AFF2: variants seen among roughly 807,000 people sequenced by gnomAD.
AFF2 encodes the protein ALF transcription elongation factor 2, also known as AF4/FMR2 family member 2.
AFF2 carries 14 observed loss-of-function variants against 76.9 expected under a neutral mutation model. The ratio of observed to expected loss-of-function variants is 0.18; its 90% CI spans 0.12 to 0.28. The LOEUF (loss-of-function observed/expected upper bound fraction) is 0.28. Ranked by LOEUF, AFF2 falls within the 10% of genes least tolerant of loss-of-function variation. AFF2 has a pLI of 1.00. For synonymous variants in AFF2, 398 were observed against 366.7 expected, an observed-to-expected ratio of 1.09 and a Z score of -0.98; for missense variants, 868 against 1,001.1, an observed-to-expected ratio of 0.87 and a Z score of 1.79.
Position 148,992,480 on chromosome X carries a change from C to A in AFF2, c.*1148C>A, listed in dbSNP as rs1557292445. ...TTTCTTTTTTCTCTTATCTGTGTTT[C>A]CCTTTCCTTTGTTTGGCTCATTAAC... is the stretch of plus-strand genomic sequence containing the variant. On this transcript the variant is annotated 3_prime_UTR_variant, in exon 21 of 21. Transcript: ENST00000370460. 1 of 112,009 alleles carries A rather than the reference C, an allele frequency of 8.9e-6. No homozygotes were observed. Among genetic ancestry groups the A allele is most frequent in the African/African-American group, 3.2e-5 (1 of 30,869 alleles). The allele number at this position is 112,009 out of a possible 1,213,427, so 9.2% of individuals were successfully genotyped here. A position where few individuals can be genotyped will look rare whatever the true frequency, so the allele number is the denominator to read the frequency against.
At chrX:148,581,628 G>GTATACA (rs2053411475) in intron 1 of AFF2, among the ~76,000 whole-genome samples, 1 of 94,929 alleles carries the variant, frequency 1.1e-5, no homozygotes, top group Non-Finnish European at 2.0e-5. Flanking sequence ...ATACGTATAC[G>GTATACA]TATACGTGTA....
intron 1 of AFF2, among the ~76,000 whole-genome samples, chrX:148,583,995 C>T (rs1557245483): frequency 8.9e-6 from 1 of 112,010 alleles, no homozygotes; most frequent in Non-Finnish European, 1.9e-5. Context: ...AGTCGCCTTA[C>T]GCCTCCACCC....
At chrX:148,987,008 T>C (rs1222993665) in intron 19 of AFF2, among the ~76,000 whole-genome samples, 1 of 111,065 alleles carries the variant, frequency 9.0e-6, no homozygotes, top group Admixed American at 9.5e-5. Context: ...GTGTTTAATG[T>C]TAGAAAAGAA....
chrX:148,896,679 T>C, intron 8 of AFF2, among the ~76,000 whole-genome samples: 1 of 111,193 alleles, frequency 9.0e-6, no homozygotes, highest in Middle Eastern at 4.6e-3. Flanking sequence ...AGAGCAGAAG[T>C]AGTGTTTCCT....
At chrX:148,794,244 T>A (rs2069938022) in intron 3 of AFF2, among the ~76,000 whole-genome samples, 1 of 112,326 alleles carries the variant, frequency 8.9e-6, no homozygotes, top group Non-Finnish European at 1.9e-5. Flanking sequence ...CCATGTTGAA[T>A]AAGCAAGTGT....
chrX:148,621,143 C>A (rs2053864090), intron 1 of AFF2, among the ~76,000 whole-genome samples: 1 of 111,651 alleles, frequency 9.0e-6, no homozygotes, highest in African/African-American at 3.3e-5. Flanking sequence ...TTATGCTTTC[C>A]TGAATCATGG....
intron 3 of AFF2, among the ~76,000 whole-genome samples, chrX:148,733,531 C>T (rs905416200): frequency 9.0e-6 from 1 of 110,997 alleles, no homozygotes; most frequent in Admixed American, 9.6e-5. Context: ...TGATAAGACA[C>T]CTGACACAAA....
At chrX:148,782,190 A>G (rs1479735820) in intron 3 of AFF2, among the ~76,000 whole-genome samples, 1 of 112,002 alleles carries the variant, frequency 8.9e-6, no homozygotes, top group East Asian at 2.8e-4. Context: ...ATAAAGTAAT[A>G]TAAGTTAATG....
chrX:148,640,823 G>T (rs1278665350), intron 1 of AFF2, among the ~76,000 whole-genome samples: 3 of 112,113 alleles, frequency 2.7e-5, no homozygotes, highest in Non-Finnish European at 3.8e-5. Context: ...CCAAGGCGTA[G>T]AAATTCTTAT....
intron 7 of AFF2, among the ~76,000 whole-genome samples, chrX:148,845,367 T>C (rs1748051898): frequency 8.9e-6 from 1 of 112,059 alleles, no homozygotes; most frequent in Admixed American, 9.5e-5. Flanking sequence ...AGAGGCTGCA[T>C]TTCCAGAGAA....
At chrX:148,845,392 A>T (rs1300919961) in intron 7 of AFF2, among the ~76,000 whole-genome samples, 2 of 111,835 alleles carry the variant, frequency 1.8e-5, no homozygotes, top group African/African-American at 6.5e-5. Context: ...ACTTCGTAGC[A>T]CAGTAATATA....
chrX:148,817,468 A>C (rs2070279766), intron 4 of AFF2, among the ~76,000 whole-genome samples: 1 of 111,502 alleles, frequency 9.0e-6, no homozygotes, highest in Non-Finnish European at 1.9e-5. Context: ...GCCATCAATG[A>C]AATGAAGACT....
intron 19 of AFF2, among the ~76,000 whole-genome samples, chrX:148,986,100 G>C (rs1291326862): frequency 1.3e-5 from 1 of 76,413 alleles, no homozygotes; most frequent in Non-Finnish European, 2.3e-5. Context: ...ATAGCAACTG[G>C]TAAGGGGGTG....
chrX:148,943,378 A>G (rs1427665565), intron 9 of AFF2, among the ~76,000 whole-genome samples: 2 of 112,103 alleles, frequency 1.8e-5, no homozygotes, highest in African/African-American at 6.5e-5. Context: ...TTACAACCAG[A>G]TTCATTAGGT....
chrX:148,730,323 T>A (rs782076739), intron 3 of AFF2, among the ~76,000 whole-genome samples: 9 of 112,438 alleles, frequency 8.0e-5, no homozygotes, highest in Admixed American at 1.9e-4. Context: ...TCCTAGATGA[T>A]GAGTTTGCCT....
chrX:148,910,196 T>C (rs1249479687), intron 9 of AFF2, among the ~76,000 whole-genome samples: 3 of 112,731 alleles, frequency 2.7e-5, no homozygotes, highest in African/African-American at 9.7e-5. Flanking sequence ...CCACTCTGCG[T>C]AGGAAATTAC....
intron 5 of AFF2, among the ~76,000 whole-genome samples, chrX:148,842,666 A>G (rs150658288): frequency 0.026 from 2,934 of 112,193 alleles, 39 homozygotes; most frequent in Middle Eastern, 0.06. Flanking sequence ...ATTTGTTCCC[A>G]TGTTACACAC....
intron 3 of AFF2, among the ~76,000 whole-genome samples, chrX:148,669,369 G>T (rs941120639): frequency 2.7e-5 from 3 of 111,623 alleles, no homozygotes; most frequent in Admixed American, 9.5e-5. Context: ...TATCTTTTCA[G>T]CAGCACCCCA....
At chrX:148,859,070 C>T (rs1223537623) in intron 7 of AFF2, among the ~76,000 whole-genome samples, 2 of 104,999 alleles carry the variant, frequency 1.9e-5, no homozygotes, top group African/African-American at 6.9e-5. Context: ...ACAGAAGAGA[C>T]AATTCAATCT....
Sources: allele counts gnomAD v4.1 joint callset (sites outside exome capture counted in the v4.1 genomes callset), GRCh38; gene constraint gnomAD v4.1.1; transcripts MANE v1.5; gene names NCBI Gene and HGNC (gene_info 2026-07-23, HGNC 2026-07-21).